Variants in PCDHGA5 observed in about 807,000 individuals in gnomAD.
PCDHGA5 encodes protocadherin gamma-A5.
In PCDHGA5, 36 loss-of-function variants were observed where a neutral mutation model predicts 56.7. That is an observed-to-expected ratio of 0.64 (90% CI 0.49 to 0.84). The LOEUF (loss-of-function observed/expected upper bound fraction) is 0.84. PCDHGA5 is among the 40% of genes least tolerant of loss of function. The pLI is 0.00. For missense variants in PCDHGA5, 1,305 were observed against 1,201.5 expected (o/e 1.09, Z -1.27); for synonymous variants, 563 against 520.2 (o/e 1.08, Z -1.12).
chr5:141,403,273 A>C, intron 1 of PCDHGA5: 1 of 1,613,886 alleles, frequency 6.2e-7, no homozygotes, highest in African/African-American at 1.3e-5. Context: ...TGAACTTTAA[A>C]GTCCTGGTTG....
intron 1 of PCDHGA5, chr5:141,415,477 C>A (rs2095874299): frequency 1.9e-6 from 3 of 1,614,184 alleles, no homozygotes; most frequent in Non-Finnish European, 2.5e-6. Flanking sequence ...CGCGGACTCG[C>A]GAAAGAGTCA....
At chr5:141,469,306 A>G in intron 1 of PCDHGA5, among the ~76,000 whole-genome samples, 1 of 150,500 alleles carries the variant, frequency 6.6e-6, no homozygotes, top group South Asian at 2.1e-4. Flanking sequence ...ACTGGGCACG[A>G]TGGCTCACGC....
chr5:141,428,856 G>A (rs1195849417), intron 1 of PCDHGA5: 4 of 143,808 alleles, frequency 2.8e-5, no homozygotes, highest in Admixed American at 1.4e-4. Flanking sequence ...ATTTTTACGG[G>A]AGACTTTTTT....
At position 141,491,605 on chromosome 5, in the gene PCDHGA5, T is replaced by C; in HGVS notation, c.2422-3202T>C. On this transcript the variant is annotated intron_variant, in intron 1 of 3. Coordinates refer to ENST00000518069, the MANE Select transcript of PCDHGA5 (RefSeq NM_018918.3). This position sits in a 1 kb window ranked among gnomAD's most constrained non-coding sequence, Gnocchi z 6.9. Reference sequence around the variant, plus strand: ...GGCCTCGGACGGCAGTGACTTCACTTTTCTAAGACCCCTCAGCGTTCAGCA... The same window carrying C: ...GGCCTCGGACGGCAGTGACTTCACTCTTCTAAGACCCCTCAGCGTTCAGCA... 6.2e-7 allele frequency: 1 copy of C among 1,613,868 alleles called. No individual in the cohort carries two copies. Among genetic ancestry groups the C allele is most frequent in the East Asian group, 2.2e-5 (1 of 44,858 alleles).
chr5:141,489,962 C>A lies in PCDHGA5; in HGVS notation c.2422-4845C>A. The A allele has an allele frequency of 6.2e-7, 1 of 1,614,184 alleles. No individual in the cohort carries two copies. The highest frequency in any genetic ancestry group is 8.5e-7 in the Non-Finnish European group (1 of 1,180,008). ...CTGGACATCAATGATAATGCTCCAA[C>A]CTTCCAATCCTCAGTTCTACGTGTG... is the stretch of plus-strand genomic sequence containing the variant. On this transcript the variant is annotated intron_variant, in intron 1 of 3. Transcript: ENST00000518069. This position sits in a 1 kb window ranked among gnomAD's most constrained non-coding sequence, Gnocchi z 4.5.
rs1036281905 is a variant in PCDHGA5 at position 141,493,555 on chromosome 5, T to C, written c.2422-1252T>C. ...GCCAGTTATCCTTTTGGAGATTGAG[T>C]TCCCCCAGCTCCGTTTCCTCCTATC... On this transcript the variant is annotated intron_variant, in intron 1 of 3. Transcript: ENST00000518069. This position sits in a 1 kb window ranked among gnomAD's most constrained non-coding sequence, Gnocchi z 4.3. Among the ~76,000 whole-genome samples, 3 of 152,012 alleles carry C rather than the reference T, an allele frequency of 2.0e-5. No individual in the cohort carries two copies. Among genetic ancestry groups the C allele is most frequent in the African/African-American group, 7.3e-5 (3 of 41,362 alleles).
chr5:141,421,161 T>C (rs2096550274), intron 1 of PCDHGA5: 7 of 1,259,920 alleles, frequency 5.6e-6, no homozygotes, highest in Non-Finnish European at 7.5e-6. Flanking sequence ...TAGGACTTCA[T>C]AGATACATAA....
rs766649335 is a variant in PCDHGA5 at position 141,366,242 on chromosome 5, C to T, written c.1912C>T (p.Leu638Phe). 1 of 1,613,782 alleles carries T rather than the reference C, an allele frequency of 6.2e-7. No individual in the cohort carries two copies. Among genetic ancestry groups the T allele is most frequent in the East Asian group, 2.2e-5 (1 of 44,890 alleles). Residue 638 changes from leucine (L) to phenylalanine (F), a missense_variant, in exon 1 of 4, where the codon CTC becomes TTC. Physicochemically the swap from Leu to Phe is conservative, Grantham distance 22. Transcript: ENST00000518069. Reference sequence around the variant, plus strand: ...GCGAGCCCTGCTGGACAGAGACGCGCTCAAGCAGAGCCTCGTGGTGGCCGT... The same window carrying T: ...GCGAGCCCTGCTGGACAGAGACGCGTTCAAGCAGAGCCTCGTGGTGGCCGT... ...TARALLDRDALKQSLVVAVED... is the reference protein window; with the variant it reads ...TARALLDRDAFKQSLVVAVED...
At chr5:141,371,656 C>A (rs772257649) in intron 1 of PCDHGA5, 4 of 1,613,886 alleles carry the variant, frequency 2.5e-6, no homozygotes, top group East Asian at 2.2e-5. Flanking sequence ...TACAATGTGA[C>A]GATCACAGCT....
intron 1 of PCDHGA5, among the ~76,000 whole-genome samples, chr5:141,456,306 G>A (rs937409031): frequency 4.6e-5 from 7 of 152,158 alleles, no homozygotes; most frequent in Admixed American, 2.6e-4. Context: ...GAGAACAGCA[G>A]CTAGGGCTCC....
Position 141,366,750 on chromosome 5 carries a change from A to G in PCDHGA5, c.2420A>G (p.Gln807Arg). Residue 807 changes from glutamine to arginine, a missense_variant and splice_region_variant, in exon 1 of 4, where the codon CAG becomes CGG. Transcript: ENST00000518069. ...GCAAACAAAGAAGAACGGCGAGTTC[A>G]GGTTAGTTTTCTCTTTCGGTAAGGA... ...VDANKEERRV[Q>R]QAPPNTDWRF... 3 of 1,607,760 alleles carry G rather than the reference A, an allele frequency of 1.9e-6. No homozygotes were observed. Among genetic ancestry groups the G allele is most frequent in the Non-Finnish European group, 2.6e-6 (3 of 1,175,456 alleles).
intron 1 of PCDHGA5, among the ~76,000 whole-genome samples, chr5:141,420,793 T>C (rs1400287885): frequency 6.6e-6 from 1 of 152,268 alleles, no homozygotes; most frequent in Non-Finnish European, 1.5e-5. Flanking sequence ...TGAAAACTTT[T>C]TAAAAATTAA....
In PCDHGA5 at chr5:141,432,460, C is replaced by T; in HGVS notation, c.2422-62347C>T. The T allele has an allele frequency of 6.2e-7, 1 of 1,614,208 alleles. No homozygotes were observed. The highest frequency in any genetic ancestry group is 8.5e-7 in the Non-Finnish European group (1 of 1,180,044). On this transcript the variant is annotated intron_variant, in intron 1 of 3. Transcript: ENST00000518069. This position sits in a 1 kb window ranked among gnomAD's most constrained non-coding sequence, Gnocchi z 6.0. ...CGCCCGAGATCCTGTACCCCGCCCTCCCCACGGACGGTTCCACTGGCGTGG... is the reference window on the plus strand; with the variant it reads ...CGCCCGAGATCCTGTACCCCGCCCTTCCCACGGACGGTTCCACTGGCGTGG...
chr5:141,403,243 T>C (rs1363955978), intron 1 of PCDHGA5: 2 of 1,613,894 alleles, frequency 1.2e-6, no homozygotes, highest in East Asian at 4.5e-5. Context: ...AGCTCTGTGC[T>C]CAGAGCCCGC....
At chr5:141,390,339 C>A in intron 1 of PCDHGA5, 2 of 1,591,234 alleles carry the variant, frequency 1.3e-6, no homozygotes, top group Non-Finnish European at 1.7e-6. Flanking sequence ...TCCATATTCA[C>A]AAGAAAATAT....
At chr5:141,370,981 T>G in intron 1 of PCDHGA5, 1 of 1,613,994 alleles carries the variant, frequency 6.2e-7, no homozygotes, top group Non-Finnish European at 8.5e-7. Context: ...GAGCTAGTAC[T>G]GAAAGCACCC....
At chr5:141,386,621 G>T (rs780529864) in intron 1 of PCDHGA5, among the ~76,000 whole-genome samples, 1 of 151,474 alleles carries the variant, frequency 6.6e-6, no homozygotes, top group Non-Finnish European at 1.5e-5. Flanking sequence ...ATGGAGTCTC[G>T]CTCTGTCACC....
intron 1 of PCDHGA5, among the ~76,000 whole-genome samples, chr5:141,381,590 A>G (rs1588902211): frequency 6.6e-6 from 1 of 152,194 alleles, no homozygotes; most frequent in South Asian, 2.1e-4. Context: ...TCCATTATCC[A>G]GTTTCTTATG....
chr5:141,460,912 G>GTGTA (rs145509489), intron 1 of PCDHGA5, among the ~76,000 whole-genome samples: 34,285 of 149,232 alleles, frequency 0.23, 4,672 homozygotes, highest in African/African-American at 0.39. Flanking sequence ...ATTCCATGGT[G>GTGTA]TATATATATA....
Sources: gnomAD v4.1 joint callset for allele counts (sites outside exome capture counted in the v4.1 genomes callset) on GRCh38, gnomAD v4.1.1 for gene constraint, Gnocchi (gnomAD v3.1) non-coding constraint, MANE v1.5 for transcripts, NCBI Gene and HGNC (gene_info 2026-07-23, HGNC 2026-07-21) for gene names.